ZNF253: variants seen among roughly 807,000 people sequenced by gnomAD.
The protein encoded by ZNF253 is zinc finger protein 253.
A neutral mutation model predicts 11.9 loss-of-function variants in ZNF253; 8 were observed. That is an observed-to-expected ratio of 0.67 (90% CI 0.40 to 1.22). The LOEUF is 1.22. Ranked by LOEUF, ZNF253 falls within the 50% of genes most tolerant of loss-of-function variation. The pLI is 0.01. For missense variants in ZNF253, 485 were observed against 586.9 expected, an observed-to-expected ratio of 0.83 and a Z score of 1.79; for synonymous variants, 194 against 194.9, an observed-to-expected ratio of 1.00 and a Z score of 0.04.
chr19:19,869,922 C>A (rs2063126973), intron 1 of ZNF253, among the ~76,000 whole-genome samples: 2 of 151,914 alleles, frequency 1.3e-5, no homozygotes, highest in African/African-American at 4.8e-5. Context: ...GCACCTGCTT[C>A]AGCCTCCAAA....
chr19:19,872,307 G>C (rs2063136912), intron 1 of ZNF253, among the ~76,000 whole-genome samples: 1 of 151,974 alleles, frequency 6.6e-6, no homozygotes, highest in African/African-American at 2.4e-5. Context: ...CAGCCATTCA[G>C]GTCCTAAATC....
At chr19:19,885,624 C>A (rs552318422) in intron 3 of ZNF253, among the ~76,000 whole-genome samples, 31 of 151,972 alleles carry the variant, frequency 2.0e-4, no homozygotes, top group African/African-American at 7.3e-4. Context: ...ATCTCCTGAC[C>A]TCATGATCCG....
intron 3 of ZNF253, among the ~76,000 whole-genome samples, chr19:19,882,039 G>A (rs1490171464): frequency 1.3e-5 from 2 of 151,754 alleles, no homozygotes; most frequent in African/African-American, 2.4e-5. Context: ...AAATACAAAA[G>A]TTAGCCGGGT....
rs200404486 is a variant in ZNF253, at chr19:19,891,602, G to A, written c.355G>A (p.Val119Met). Residue 119 changes from valine (V) to methionine (M), a missense_variant, in exon 4 of 4, where the codon GTG becomes ATG. Physicochemically the swap from Val to Met is conservative, Grantham distance 21. Around this residue, in one of 3 missense-constraint regions of ZNF253, gnomAD observed 218 missense variants for 213.1 expected, o/e 1.02. Transcript: ENST00000589717. ...NLQLKKGCKS[V>M]GEHKVHKGGY... ...ACAGTTAAAAAAAGGCTGTAAAAGC[G>A]TGGGTGAGCATAAGGTGCACAAAGG... 333 of 1,614,146 alleles carry A rather than the reference G, an allele frequency of 2.1e-4. 1 individual carries two copies. The highest frequency in any genetic ancestry group is 3.6e-4 in the East Asian group (16 of 44,864).
Position 19,880,141 on chromosome 19 carries a change from C to T in ZNF253, c.221C>T (p.Pro74Leu). ...TMERHEMIAK[P>L]PVMSSHFAQD... is the part of the protein sequence containing the mutation. Reference sequence around the variant, plus strand: ...GAAAGACATGAGATGATTGCCAAACCCCCAGGTAGGTACGAGTGAAAACGA... The same window carrying T: ...GAAAGACATGAGATGATTGCCAAACTCCCAGGTAGGTACGAGTGAAAACGA... The change falls in exon 3 of 4, where the codon CCC becomes CTC. Residue 74 changes from proline to leucine, a missense_variant. Pro to Leu is a moderately conservative substitution (Grantham distance 98). Around this residue, in one of 3 missense-constraint regions of ZNF253, gnomAD observed 218 missense variants for 213.1 expected, o/e 1.02. Transcript: ENST00000589717. 1 of 1,602,456 alleles carries T rather than the reference C, an allele frequency of 6.2e-7. No homozygotes were observed. The highest frequency in any genetic ancestry group is 8.5e-7 in the Non-Finnish European group (1 of 1,174,902).
chr19:19,891,725 AAC>A lies in ZNF253; in HGVS notation c.482_483del (p.Thr161IlefsTer2), dbSNP rs1191320527. On this transcript the variant is annotated frameshift_variant, in exon 4 of 4. Coordinates refer to ENST00000589717, the MANE Select transcript of ZNF253 (RefSeq NM_021047.3). LOFTEE classifies it low-confidence loss of function (END_TRUNC). ...GKVFHKFSNS[N>X]TYKTRHTGIN... ...AGTCTTTCATAAGTTTTCAAATTCA[AAC>A]ACATATAAGACAAGACATACTGGAA... 9.3e-6 allele frequency: 15 copies of A among 1,614,032 alleles called. No individual in the cohort carries two copies. The highest frequency in any genetic ancestry group is 1.2e-5 in the Non-Finnish European group (14 of 1,180,014).
Position 19,891,909 on chromosome 19 carries a change from T to A in ZNF253, c.662T>A (p.Ile221Asn). Reference protein sequence around the residue: ...QSANLTTHKRIHTGEKPYRCE... With the variant: ...QSANLTTHKRNHTGEKPYRCE... ...GCAAACCTTACTACACATAAGAGAA[T>A]TCATACCGGAGAGAAACCCTACAGA... Residue 221 changes from isoleucine to asparagine, a missense_variant, in exon 4 of 4, where the codon ATT (isoleucine) becomes AAT (asparagine). By Grantham distance (149) the Ile-to-Asn change is moderately radical (BLOSUM62 -3). Around this residue, in one of 3 missense-constraint regions of ZNF253, gnomAD observed 218 missense variants for 213.1 expected, o/e 1.02. Coordinates refer to ENST00000589717, the MANE Select transcript of ZNF253 (RefSeq NM_021047.3). The A allele has an allele frequency of 6.2e-7, 1 of 1,613,896 alleles. No homozygotes were observed. The highest frequency in any genetic ancestry group is 8.5e-7 in the Non-Finnish European group (1 of 1,179,988).
rs1162456298 is a variant in ZNF253, at chr19:19,885,216, ATTCTTTCTTTCTTTCTTTCTTTCTTTCT to A, written c.226+5119_226+5146del. ...GACCAATGTCATGTCTTTTTTTTGT[ATTCTTTCTTTCTTTCTTTCTTTCTTTCT>A]TTCTTTCTTTCTTTCTTTCTTTCTT... On this transcript the variant is annotated intron_variant, in intron 3 of 3. Coordinates refer to ENST00000589717, the MANE Select transcript of ZNF253 (RefSeq NM_021047.3). Among the ~76,000 whole-genome samples, 334 of 69,326 alleles carry A rather than the reference ATTCTTTCTTTCTTTCTTTCTTTCTTTCT, an allele frequency of 4.8e-3. 18 individuals carry two copies. Among genetic ancestry groups the A allele is most frequent in the Middle Eastern group, 6.8e-3 (1 of 146 alleles). The allele number at this position is 69,326 out of a possible 152,430, so 45.5% of individuals were successfully genotyped here. A position where few individuals can be genotyped will look rare whatever the true frequency, so the allele number is the denominator to read the frequency against.
At chr19:19,881,764 T>G (rs1599554709) in intron 3 of ZNF253, among the ~76,000 whole-genome samples, 2 of 152,148 alleles carry the variant, frequency 1.3e-5, no homozygotes, top group Admixed American at 1.3e-4. Context: ...ATATACTGTT[T>G]ATGGTTTTTT....
chr19:19,878,258 A>T (rs1006288948), intron 1 of ZNF253, among the ~76,000 whole-genome samples: 2 of 152,230 alleles, frequency 1.3e-5, no homozygotes, highest in Non-Finnish European at 2.9e-5. Context: ...TATCTAAAAA[A>T]TATCATATAT....
chr19:19,874,156 C>T (rs1304500000), intron 1 of ZNF253, among the ~76,000 whole-genome samples: 18 of 152,092 alleles, frequency 1.2e-4, no homozygotes, highest in Admixed American at 4.6e-4. Flanking sequence ...GTGGTCTGCC[C>T]GCCTCGGCCT....
intron 1 of ZNF253, among the ~76,000 whole-genome samples, chr19:19,874,416 C>G (rs1028207538): frequency 6.6e-6 from 1 of 151,876 alleles, no homozygotes; most frequent in Non-Finnish European, 1.5e-5. Flanking sequence ...TTCAGCTACT[C>G]GGGAGGATGA....
At position 19,892,399 on chromosome 19, in the gene ZNF253, T is replaced by G. The variant is rs534855856; in HGVS notation, c.1152T>G (p.Phe384Leu). The G allele has an allele frequency of 1.2e-4, 188 of 1,614,008 alleles. No individual in the cohort carries two copies. In the South Asian group the frequency reaches 1.9e-3, roughly 17 times the overall value. Residue 384 changes from phenylalanine (F) to leucine (L), a missense_variant, in exon 4 of 4, where the codon TTT becomes TTG. Physicochemically the swap from Phe to Leu is conservative, Grantham distance 22. Coordinates refer to ENST00000589717, the MANE Select transcript of ZNF253 (RefSeq NM_021047.3). ...GKAFNHSTTL[F>L]SHEKIHTGEK... Reference sequence around the variant, plus strand: ...CTTTTAACCATTCCACAACCCTTTTTTCACATGAGAAAATTCATACTGGAG... The same window carrying G: ...CTTTTAACCATTCCACAACCCTTTTGTCACATGAGAAAATTCATACTGGAG...
rs551920313 is a variant in ZNF253 at position 19,892,039 on chromosome 19, C to T, written c.792C>T (p.Ala264=). The T allele has an allele frequency of 4.3e-6, 7 of 1,612,712 alleles. No individual in the cohort carries two copies. In the East Asian group the frequency reaches 1.3e-4, roughly 31 times the overall value. ...ACAAATGTGAAGAATGTGGCAAAGCCTTCAACCGATCCACAGACCTTACTA... is the reference window on the plus strand; with the variant it reads ...ACAAATGTGAAGAATGTGGCAAAGCTTTCAACCGATCCACAGACCTTACTA... ...KPYKCEECGK[A]FNRSTDLTTH... Residue 264 remains alanine, a synonymous_variant, in exon 4 of 4, where the codon GCC becomes GCT. Transcript: ENST00000589717.
intron 1 of ZNF253, among the ~76,000 whole-genome samples, chr19:19,870,391 CAAAA>C (rs1045415774): frequency 1.3e-5 from 1 of 76,848 alleles, no homozygotes; most frequent in East Asian, 4.5e-4. Flanking sequence ...GATTGTGTCT[CAAAA>C]AAAAAAAAAA....
intron 3 of ZNF253, among the ~76,000 whole-genome samples, chr19:19,887,491 G>T (rs1420101873): frequency 6.6e-6 from 1 of 151,814 alleles, no homozygotes; most frequent in African/African-American, 2.4e-5. Flanking sequence ...TAGTGACAGG[G>T]TTCCACCATG....
rs2063195900 is a variant in ZNF253, at chr19:19,885,260, T to C, written c.226+5114T>C. ...CTTTCTTTCTTTCTTTCTTTCTTTC[T>C]TTCTTTCTTTCTTTCTTTCTTTCTT... is the stretch of plus-strand genomic sequence containing the variant. On this transcript the variant is annotated intron_variant, in intron 3 of 3. Transcript: ENST00000589717. Among the ~76,000 whole-genome samples the C allele has an allele frequency of 4.4e-5, 3 of 68,018 alleles. No homozygotes were observed. In the African/African-American group the frequency reaches 6.1e-4, roughly 14 times the overall value. 44.6% of individuals were successfully genotyped at this position (68,018 alleles called of 152,430 possible).
intron 1 of ZNF253, among the ~76,000 whole-genome samples, chr19:19,872,827 C>T (rs1199809845): frequency 6.6e-6 from 1 of 151,658 alleles, no homozygotes; most frequent in Non-Finnish European, 1.5e-5. Context: ...TTCATGTAGA[C>T]TTACCATTTA....
intron 3 of ZNF253, 107 bp downstream of exon 3, chr19:19,880,253 G>T: frequency 9.0e-6 from 6 of 663,796 alleles, no homozygotes; most frequent in East Asian, 8.9e-5. Flanking sequence ...TGTTCCAAAG[G>T]AAATAGGTCC....
Sources: allele counts gnomAD v4.1 joint callset (sites outside exome capture counted in the v4.1 genomes callset), GRCh38; gene constraint gnomAD v4.1.1; regional missense constraint gnomAD v4.1.1; transcripts MANE v1.5; gene names NCBI Gene and HGNC (gene_info 2026-07-23, HGNC 2026-07-21).